Variants in CCDC7 observed in about 807,000 individuals in gnomAD.
CCDC7 encodes the protein coiled-coil domain containing 7, also known as coiled-coil domain-containing protein 7.
CCDC7 carries 183 observed loss-of-function variants against 196.9 expected under a neutral mutation model. The observed-to-expected ratio is 0.93, with a 90% CI of 0.82 to 1.05. The LOEUF (loss-of-function observed/expected upper bound fraction) is 1.05. CCDC7 is among the 50% of genes least tolerant of loss of function. CCDC7 has a pLI of 0.00. For synonymous variants in CCDC7, 525 were observed against 484.6 expected (o/e 1.08, Z -1.10); for missense variants, 1,540 against 1,482.2 (o/e 1.04, Z -0.64).
intron 41 of CCDC7, among the ~76,000 whole-genome samples, chr10:32,872,841 CTCTT>C (rs2094477001): frequency 6.6e-6 from 1 of 151,914 alleles, no homozygotes. Context: ...GAAAATTCTT[CTCTT>C]TAAGAATGTT....
intron 28 of CCDC7, among the ~76,000 whole-genome samples, chr10:32,746,857 C>T (rs955256214): frequency 6.6e-6 from 1 of 152,228 alleles, no homozygotes; most frequent in Non-Finnish European, 1.5e-5. Context: ...TGCCATCAGG[C>T]CACAGCTGGC....
At chr10:32,511,268 G>T in intron 9 of CCDC7, 1 of 529,776 alleles carries the variant, frequency 1.9e-6, no homozygotes, top group Non-Finnish European at 3.2e-6. Flanking sequence ...GGGCGGGGGG[G>T]GCGGGGAAAT....
chr10:32,630,784 T>A (rs1033830110), intron 18 of CCDC7, among the ~76,000 whole-genome samples: 1 of 152,190 alleles, frequency 6.6e-6, no homozygotes, highest in African/African-American at 2.4e-5. Flanking sequence ...TAATTGTAAA[T>A]TAAGATCAAT....
chr10:32,634,852 T>C (rs563222056), intron 19 of CCDC7, among the ~76,000 whole-genome samples: 2 of 152,356 alleles, frequency 1.3e-5, no homozygotes, highest in South Asian at 2.1e-4. Flanking sequence ...TTTTGATTGG[T>C]ATTTGCATAG....
chr10:32,842,173 G>A (rs2093017998), intron 33 of CCDC7, among the ~76,000 whole-genome samples: 1 of 151,852 alleles, frequency 6.6e-6, no homozygotes, highest in African/African-American at 2.4e-5. Flanking sequence ...AACCCTCAGA[G>A]TGGCAGAAAA....
intron 25 of CCDC7, among the ~76,000 whole-genome samples, chr10:32,725,766 A>G (rs1485183771): frequency 6.6e-6 from 1 of 152,060 alleles, no homozygotes; most frequent in African/African-American, 2.4e-5. Context: ...ACCAGATTTT[A>G]TGTGAACTCA....
At chr10:32,547,219 C>T (rs2052626664) in intron 13 of CCDC7, among the ~76,000 whole-genome samples, 1 of 152,044 alleles carries the variant, frequency 6.6e-6, no homozygotes, top group Non-Finnish European at 1.5e-5. Flanking sequence ...TAACACCAAG[C>T]TCTTGCTATG....
intron 27 of CCDC7, 47 bp downstream of exon 28, chr10:32,729,044 T>C: frequency 7.9e-7 from 1 of 1,266,656 alleles, no homozygotes; most frequent in Non-Finnish European, 1.1e-6. Context: ...TATGTTGAAC[T>C]CATCAGATCT....
At chr10:32,736,197 A>G (rs1412269014) in intron 28 of CCDC7, among the ~76,000 whole-genome samples, 1 of 152,034 alleles carries the variant, frequency 6.6e-6, no homozygotes, top group Non-Finnish European at 1.5e-5. Flanking sequence ...TTTGATTCCC[A>G]CAGAATGGCT....
chr10:32,652,995 G>T (rs192830374), intron 20 of CCDC7, among the ~76,000 whole-genome samples: 38 of 152,262 alleles, frequency 2.5e-4, no homozygotes, highest in Middle Eastern at 3.4e-3. Context: ...TTTGGATGTG[G>T]TAAGTTTTCT....
chr10:32,515,688 C>A (rs58488434), intron 9 of CCDC7, among the ~76,000 whole-genome samples: 1,941 of 151,746 alleles, frequency 0.013, 46 homozygotes, highest in African/African-American at 0.045. Context: ...GGACTACAGG[C>A]GCCTGCCACC....
chr10:32,506,557 G>A (rs1234916673), intron 9 of CCDC7, among the ~76,000 whole-genome samples: 1 of 152,192 alleles, frequency 6.6e-6, no homozygotes, highest in Non-Finnish European at 1.5e-5. Context: ...ACTCCAGCCT[G>A]GGCAACATTG....
chr10:32,724,639 C>T (rs2082866741), intron 25 of CCDC7, among the ~76,000 whole-genome samples: 1 of 152,004 alleles, frequency 6.6e-6, no homozygotes, highest in Non-Finnish European at 1.5e-5. Context: ...TGGAGAGGAC[C>T]AGGAGTGGAA....
At chr10:32,728,956 A>G (rs1224059883) in exon 27 of CCDC7, 1 of 1,607,966 alleles carries the variant, frequency 6.2e-7, no homozygotes. Flanking sequence ...CTCCAAATGC[A>G]AGAAAAGAAA....
intron 8 of CCDC7, among the ~76,000 whole-genome samples, chr10:32,485,145 G>A (rs544457303): frequency 1.3e-5 from 2 of 152,252 alleles, no homozygotes; most frequent in South Asian, 4.1e-4. Context: ...TTTTTGGTTG[G>A]TAAGCTATTA....
intron 18 of CCDC7, among the ~76,000 whole-genome samples, chr10:32,621,488 A>G (rs1212514389): frequency 6.6e-6 from 1 of 152,186 alleles, no homozygotes; most frequent in Non-Finnish European, 1.5e-5. Flanking sequence ...CTCTATCAAT[A>G]TATAGATACA....
intron 5 of CCDC7, among the ~76,000 whole-genome samples, chr10:32,466,788 C>T (rs1453015759): frequency 6.6e-6 from 1 of 152,078 alleles, no homozygotes; most frequent in Non-Finnish European, 1.5e-5. Flanking sequence ...GGTATATACC[C>T]AGTAATGGGA....
At position 32,686,026 on chromosome 10, in the gene CCDC7, A is replaced by G. The variant is rs148655258; in HGVS notation, c.2179A>G (p.Lys727Glu). The change falls in exon 22 of 42, where the codon AAA becomes GAA. Residue 727 changes from lysine (K) to glutamate (E), a missense_variant. Transcript: ENST00000639629. ...AGTTGAGCATCAAGAATCATTGTCA[A>G]AAACCAAATTACAAATAAAGAAACA... is the stretch of plus-strand genomic sequence containing the variant. 1.2e-4 allele frequency: 189 copies of G among 1,589,976 alleles called. No homozygotes were observed. In the African/African-American group the frequency reaches 2.3e-3, roughly 19 times the overall value.
intron 21 of CCDC7, among the ~76,000 whole-genome samples, chr10:32,684,960 T>A (rs1591572579): frequency 9.0e-5 from 1 of 11,134 alleles, no homozygotes; most frequent in African/African-American, 1.2e-4. Context: ...TAATTTAATT[T>A]TTTTTTTTTT....
Sources: allele counts gnomAD v4.1 joint callset (sites outside exome capture counted in the v4.1 genomes callset), GRCh38; gene constraint gnomAD v4.1.1; transcripts MANE v1.5; gene names NCBI Gene and HGNC (gene_info 2026-07-23, HGNC 2026-07-21).